ZP2: variants seen among roughly 807,000 people sequenced by gnomAD.
ZP2 encodes the protein zona pellucida sperm-binding protein 2.
A neutral mutation model predicts 84.0 loss-of-function variants in ZP2; 51 were observed. That is an observed-to-expected ratio of 0.61 (90% confidence interval 0.49 to 0.77). ZP2 has a LOEUF of 0.77. Among genes scored for constraint, ZP2 ranks in the 30% least tolerant of loss-of-function variants. The probability of loss-of-function intolerance (pLI) is 0.00; values close to 1 mark genes in which losing one functional copy is unlikely to be tolerated. For synonymous variants in ZP2, 375 were observed against 330.9 expected (o/e 1.13, Z -1.45); for missense variants, 909 against 911.9 (o/e 1.00, Z 0.04).
At chr16:21,208,048 C>G (rs1325177584) in intron 4 of ZP2, among the ~76,000 whole-genome samples, 2 of 152,090 alleles carry the variant, frequency 1.3e-5, no homozygotes, top group Non-Finnish European at 2.9e-5. Flanking sequence ...GGTGAAATCC[C>G]CATTTTGACA....
intron 4 of ZP2, among the ~76,000 whole-genome samples, chr16:21,207,308 G>T (rs551184061): frequency 3.9e-5 from 6 of 152,208 alleles, no homozygotes; most frequent in African/African-American, 1.4e-4. Flanking sequence ...CTGAATACTT[G>T]TTAAGCACCT....
intron 7 of ZP2, among the ~76,000 whole-genome samples, chr16:21,205,142 C>T (rs1490528440): frequency 1.3e-5 from 2 of 152,048 alleles, no homozygotes; most frequent in South Asian, 2.1e-4. Flanking sequence ...ACCATCTCAC[C>T]CAGTTAAGTT....
chr16:21,207,999 C>A (rs1252495586), intron 4 of ZP2, among the ~76,000 whole-genome samples: 1 of 152,010 alleles, frequency 6.6e-6, no homozygotes, highest in Non-Finnish European at 1.5e-5. Flanking sequence ...GTGGGAGGAT[C>A]CCTTGAGGCC....
Position 21,198,840 on chromosome 16 carries a change from C to A in ZP2, c.1950G>T (p.Glu650Asp). 3 of 1,613,994 alleles carry A rather than the reference C, an allele frequency of 1.9e-6. No individual in the cohort carries two copies. The highest frequency in any genetic ancestry group is 2.5e-6 in the Non-Finnish European group (3 of 1,179,966). Residue 650 changes from glutamate to aspartate, a missense_variant, in exon 17 of 19, where the codon GAG (glutamate) becomes GAT (aspartate). Coordinates refer to ENST00000574091, the MANE Select transcript of ZP2 (RefSeq NM_001376232.1). Reference protein sequence around the residue: ...HRRATGATEAEKMTVSLPGPI... With the variant: ...HRRATGATEADKMTVSLPGPI... ...GTCCTGGGAGGCTGACTGTCATTTT[C>A]TCTGCTTCAGTGGCCCCTGTGGCTG...
At chr16:21,210,937 G>A (rs191193829) in intron 2 of ZP2, among the ~76,000 whole-genome samples, 1 of 151,252 alleles carries the variant, frequency 6.6e-6, no homozygotes, top group Non-Finnish European at 1.5e-5. Context: ...TGCAGCCTCT[G>A]GCTCAGGTGA....
rs2093205949 is a variant in ZP2, at chr16:21,197,747, C to T, written c.2095+19G>A. ...TCAACAGGCTTATTTCAGAAGTTTG[C>T]AACATTGAATAAACTTACCTCGTGA... On this transcript the variant is annotated intron_variant, in intron 18 of 18. Transcript: ENST00000574091. The T allele has an allele frequency of 6.2e-7, 1 of 1,613,888 alleles. No individual in the cohort carries two copies. The highest frequency in any genetic ancestry group is 8.5e-7 in the Non-Finnish European group (1 of 1,179,804).
intron 5 of ZP2, among the ~76,000 whole-genome samples, chr16:21,206,164 G>GT (rs1043899980): frequency 2.6e-5 from 4 of 152,096 alleles, no homozygotes; most frequent in Non-Finnish European, 5.9e-5. Context: ...TACCCGGCTA[G>GT]TTTTTTGTAT....
chr16:21,199,059 A>G (rs1210953250), intron 16 of ZP2, among the ~76,000 whole-genome samples, 197 bp from the exon 17 acceptor site: 3 of 152,132 alleles, frequency 2.0e-5, no homozygotes, highest in African/African-American at 7.2e-5. Context: ...TCATGCCTAT[A>G]ATCCCAGCAC....
At chr16:21,212,490 A>G (rs544389077), upstream of ZP2, among the ~76,000 whole-genome samples, 98 of 152,354 alleles carry the variant, frequency 6.4e-4, no homozygotes, top group African/African-American at 2.3e-3. Flanking sequence ...CACTGGGAGG[A>G]AAGTTTAAAT....
At chr16:21,199,953 G>T in intron 14 of ZP2, 75 bp from the exon 15 acceptor site, 2 of 1,580,014 alleles carry the variant, frequency 1.3e-6, no homozygotes, top group Non-Finnish European at 1.7e-6. Flanking sequence ...CCCAGATTTA[G>T]TCATACGTAA....
Position 21,204,068 on chromosome 16 carries a change from T to C in ZP2, c.934A>G (p.Met312Val). The change falls in exon 9 of 19, where the codon ATG (methionine) becomes GTG (valine). Residue 312 changes from methionine to valine, a missense_variant. Met to Val is a conservative substitution (Grantham distance 21). Transcript: ENST00000574091. ...AGAGTTTTGCTGAAATGCAATTTCA[T>C]GCCATTTGTTGCTTCTAGATCAATT... is the stretch of plus-strand genomic sequence containing the variant. ...NGIDLEATNG[M>V]KLHFSKTLLK... 3.7e-6 allele frequency: 6 copies of C among 1,614,146 alleles called. No homozygotes were observed. The highest frequency in any genetic ancestry group is 5.1e-6 in the Non-Finnish European group (6 of 1,180,038).
Position 21,199,896 on chromosome 16 carries a change from G to A in ZP2, c.1695-18C>T, listed in dbSNP as rs1362930785. On this transcript the variant is annotated intron_variant, in intron 14 of 18. Coordinates refer to ENST00000574091, the MANE Select transcript of ZP2 (RefSeq NM_001376232.1). The stretch of plus-strand genomic sequence containing the variant: ...ATGCACAGCTAGGAGGTATGCACCA[G>A]GGAGGGATGTCAGTCATATGCATCT... 1.9e-6 allele frequency: 3 copies of A among 1,611,816 alleles called. No homozygotes were observed. Among genetic ancestry groups the A allele is most frequent in the African/African-American group, 1.3e-5 (1 of 74,856 alleles).
upstream of ZP2, among the ~76,000 whole-genome samples, chr16:21,212,300 T>TA (rs2093278531): frequency 6.6e-6 from 1 of 152,102 alleles, no homozygotes; most frequent in South Asian, 2.1e-4. Flanking sequence ...GAAGTGTCTT[T>TA]AAAAAAATGA....
chr16:21,205,787 G>T lies in ZP2; in HGVS notation c.484-12C>A, dbSNP rs970406185. ...CGTGGCAAGGAAAACTGGAAGAAAA[G>T]AATTGTGATGTAAGACTTTGATTTG... On this transcript the variant is annotated splice_polypyrimidine_tract_variant and intron_variant, in intron 5 of 18. Coordinates refer to ENST00000574091, the MANE Select transcript of ZP2 (RefSeq NM_001376232.1). The T allele has an allele frequency of 1.9e-6, 3 of 1,613,674 alleles. No individual in the cohort carries two copies. The highest frequency in any genetic ancestry group is 2.5e-6 in the Non-Finnish European group (3 of 1,179,820).
intron 14 of ZP2, 107 bp from the exon 15 acceptor site, chr16:21,199,985 A>G (rs897387398): frequency 5.0e-6 from 7 of 1,411,304 alleles, no homozygotes; most frequent in Non-Finnish European, 5.8e-6. Context: ...CTATTGCCAT[A>G]TTTACCTTCT....
In ZP2 at chr16:21,209,619, G is replaced by C; in HGVS notation, c.330+12C>G. Reference sequence around the variant, plus strand: ...CGTACTTCCCCAAGAACTGCTCAAAGCAATGACTTACCACTCTCCTGGTAC... The same window carrying C: ...CGTACTTCCCCAAGAACTGCTCAAACCAATGACTTACCACTCTCCTGGTAC... On this transcript the variant is annotated intron_variant, in intron 4 of 18. Coordinates refer to ENST00000574091, the MANE Select transcript of ZP2 (RefSeq NM_001376232.1). 6.2e-7 allele frequency: 1 copy of C among 1,612,954 alleles called. No homozygotes were observed. Among genetic ancestry groups the C allele is most frequent in the Non-Finnish European group, 8.5e-7 (1 of 1,178,952 alleles).
intron 17 of ZP2, 82 bp downstream of exon 17, chr16:21,198,697 A>T (rs773065171): frequency 2.6e-6 from 3 of 1,139,890 alleles, no homozygotes; most frequent in Non-Finnish European, 3.9e-6. Flanking sequence ...CCACGGGTAC[A>T]TAGTATATGT....
rs757093138 is a variant in ZP2 at position 21,211,383 on chromosome 16, C to T, written c.75G>A (p.Ser25=). 3 of 1,614,024 alleles carry T rather than the reference C, an allele frequency of 1.9e-6. No individual in the cohort carries two copies. Among genetic ancestry groups the T allele is most frequent in the South Asian group, 2.2e-5 (2 of 91,082 alleles). ...TCACAAGGGCGAAGAAGAGAGAAAT[C>T]GACCTGTAGGTGCTGGAAAGAGACA... ...WFNAGWSTYR[S]ISLFFALVTS... is the part of the protein sequence containing the mutation. Residue 25 remains serine (S), a synonymous_variant, in exon 2 of 19, where the codon TCG becomes TCA. Transcript: ENST00000574091.
At chr16:21,198,707 TA>T in intron 17 of ZP2, 71 bp downstream of exon 17, 1 of 1,283,330 alleles carries the variant, frequency 7.8e-7, no homozygotes. Flanking sequence ...ATAGTATATG[TA>T]AGCACTGACC....
Sources: allele counts gnomAD v4.1 joint callset (sites outside exome capture counted in the v4.1 genomes callset), GRCh38; gene constraint gnomAD v4.1.1; transcripts MANE v1.5; gene names NCBI Gene and HGNC (gene_info 2026-07-23, HGNC 2026-07-21).